Variants in RAB40C observed in about 807,000 individuals in gnomAD.
RAB40C encodes the protein ras-related protein Rab-40C.
A neutral mutation model predicts 28.1 loss-of-function variants in RAB40C; 8 were observed. The ratio of observed to expected loss-of-function variants is 0.28; its 90% CI spans 0.17 to 0.51. The LOEUF is 0.51. Ranked by LOEUF, RAB40C falls within the 20% of genes least tolerant of loss-of-function variation. The pLI is 0.97. For missense variants in RAB40C, 288 were observed against 405.9 expected (o/e 0.71, Z 2.50); for synonymous variants, 201 against 171.7 (o/e 1.17, Z -1.34).
chr16:625,123 C>G, intron 3 of RAB40C: 1 of 1,339,544 alleles, frequency 7.5e-7, no homozygotes, highest in Non-Finnish European at 9.8e-7. Context: ...CCCCGGCTGC[C>G]AGAACCCCGC....
At chr16:601,665 T>A (rs193215763) in intron 1 of RAB40C, among the ~76,000 whole-genome samples, 1 of 151,770 alleles carries the variant, frequency 6.6e-6, no homozygotes, top group Non-Finnish European at 1.5e-5. Flanking sequence ...GCTTATAAGT[T>A]TATCAAATAG....
At chr16:622,624 C>T (rs2036743686) in intron 3 of RAB40C, among the ~76,000 whole-genome samples, 1 of 152,356 alleles carries the variant, frequency 6.6e-6, no homozygotes. Flanking sequence ...TCTCCTGCCT[C>T]AGGCTCCCGA....
Position 590,193 on chromosome 16 carries a change from C to A in RAB40C, c.-99C>A. On this transcript the variant is annotated 5_prime_UTR_variant, in exon 1 of 6. Coordinates refer to ENST00000248139, the MANE Select transcript of RAB40C (RefSeq NM_021168.5). ...GCCCACTCGGCCGCCGTGGGGCGGACGCAACGGGCGCAGGTGCGGGGCGCG... is the reference window on the plus strand; with the variant it reads ...GCCCACTCGGCCGCCGTGGGGCGGAAGCAACGGGCGCAGGTGCGGGGCGCG... The A allele has an allele frequency of 3.3e-6, 3 of 918,000 alleles. No individual in the cohort carries two copies. The highest frequency in any genetic ancestry group is 4.0e-6 in the Non-Finnish European group (3 of 747,360). The allele number at this position is 918,000 out of a possible 1,614,324, so 56.9% of individuals were successfully genotyped here. A position where few individuals can be genotyped will look rare whatever the true frequency, so the allele number is the denominator to read the frequency against.
At chr16:620,979 A>G (rs1480353702) in intron 3 of RAB40C, among the ~76,000 whole-genome samples, 1 of 152,272 alleles carries the variant, frequency 6.6e-6, no homozygotes, top group Non-Finnish European at 1.5e-5. Flanking sequence ...TGCCAGGCTG[A>G]GGTCCTGGAA....
chr16:590,248 G>C lies in RAB40C; in HGVS notation c.-44G>C, dbSNP rs1272922959. On this transcript the variant is annotated 5_prime_UTR_variant, in exon 1 of 6. Coordinates refer to ENST00000248139, the MANE Select transcript of RAB40C (RefSeq NM_021168.5). ...CTCTCACGCCGCGGCCTCACCCGGC[G>C]GTGCTTCGGCAGGCGGCCGGCGCGG... is the stretch of plus-strand genomic sequence containing the variant. 2.2e-6 allele frequency: 3 copies of C among 1,388,706 alleles called. No homozygotes were observed. Among genetic ancestry groups the C allele is most frequent in the Non-Finnish European group, 2.8e-6 (3 of 1,065,736 alleles). The allele number at this position is 1,388,706 out of a possible 1,614,324, so 86.0% of individuals were successfully genotyped here. A position where few individuals can be genotyped will look rare whatever the true frequency, so the allele number is the denominator to read the frequency against.
intron 1 of RAB40C, among the ~76,000 whole-genome samples, chr16:593,002 A>G (rs1190633108): frequency 6.6e-6 from 1 of 152,206 alleles, no homozygotes; most frequent in Non-Finnish European, 1.5e-5. Context: ...GGCAGAGAGG[A>G]GAGTCCACTC....
intron 3 of RAB40C, chr16:623,960 A>C: frequency 8.1e-6 from 8 of 985,404 alleles, no homozygotes; most frequent in Non-Finnish European, 8.4e-6. Flanking sequence ...TGCCATCCGC[A>C]GTGCTGGGAC....
At chr16:602,946 CTG>C (rs2036283125) in intron 1 of RAB40C, among the ~76,000 whole-genome samples, 1 of 152,182 alleles carries the variant, frequency 6.6e-6, no homozygotes, top group African/African-American at 2.4e-5. Context: ...TGAAAGTAAT[CTG>C]AGAGCTATGG....
Position 590,258 on chromosome 16 carries a change from C to CAGGCGGCCGGCGCGGGGCGA in RAB40C, c.-15_-14insAAGGCGGCCGGCGCGGGGCG. The CAGGCGGCCGGCGCGGGGCGA allele has an allele frequency of 2.1e-6, 3 of 1,426,262 alleles. No individual in the cohort carries two copies. Among genetic ancestry groups the CAGGCGGCCGGCGCGGGGCGA allele is most frequent in the Non-Finnish European group, 2.8e-6 (3 of 1,086,208 alleles). The allele number at this position is 1,426,262 out of a possible 1,614,324, so 88.4% of individuals were successfully genotyped here. A position where few individuals can be genotyped will look rare whatever the true frequency, so the allele number is the denominator to read the frequency against. ...GCGGCCTCACCCGGCGGTGCTTCGG[C>CAGGCGGCCGGCGCGGGGCGA]AGGCGGCCGGCGCGGGGCGCAGGCG... On this transcript the variant is annotated 5_prime_UTR_variant, in exon 1 of 6. Coordinates refer to ENST00000248139, the MANE Select transcript of RAB40C (RefSeq NM_021168.5).
intron 1 of RAB40C, among the ~76,000 whole-genome samples, chr16:602,821 T>C (rs1399652326): frequency 6.6e-6 from 1 of 152,192 alleles, no homozygotes; most frequent in African/African-American, 2.4e-5. Context: ...TCTCTCACCT[T>C]GGCCTCCCAA....
chr16:607,479 GACA>G (rs1180161538), intron 1 of RAB40C, among the ~76,000 whole-genome samples: 2 of 144,782 alleles, frequency 1.4e-5, no homozygotes, highest in South Asian at 2.3e-4. Flanking sequence ...CTCCGGCCTG[GACA>G]ACGAGAGTGA....
At chr16:609,217 G>T (rs982901799) in intron 1 of RAB40C, among the ~76,000 whole-genome samples, 11 of 152,192 alleles carry the variant, frequency 7.2e-5, no homozygotes, top group African/African-American at 2.7e-4. Flanking sequence ...GATCTGCTTG[G>T]AATGCCATGT....
intron 3 of RAB40C, chr16:624,543 G>T: frequency 2.0e-6 from 2 of 985,422 alleles, no homozygotes; most frequent in Non-Finnish European, 2.4e-6. Context: ...TCCAGATATC[G>T]AAAGATGGTT....
At position 627,800 on chromosome 16, in the gene RAB40C, C is replaced by A; in HGVS notation, c.*178C>A. The A allele has an allele frequency of 2.7e-6, 2 of 738,954 alleles. No individual in the cohort carries two copies. The highest frequency in any genetic ancestry group is 3.9e-6 in the Non-Finnish European group (2 of 508,738). The allele number at this position is 738,954 out of a possible 1,614,324, so 45.8% of individuals were successfully genotyped here. A position where few individuals can be genotyped will look rare whatever the true frequency, so the allele number is the denominator to read the frequency against. Reference sequence around the variant, plus strand: ...AGGAGCATGCACGGACCAAGCGCGGCAGGCGGGAGGAGGGGGCGCGGCTGG... The same window carrying A: ...AGGAGCATGCACGGACCAAGCGCGGAAGGCGGGAGGAGGGGGCGCGGCTGG... On this transcript the variant is annotated 3_prime_UTR_variant, in exon 6 of 6. Transcript: ENST00000248139.
chr16:594,783 C>CCTCCCCT (rs1244551980), intron 1 of RAB40C, among the ~76,000 whole-genome samples: 1 of 151,762 alleles, frequency 6.6e-6, no homozygotes, highest in Non-Finnish European at 1.5e-5. Context: ...AGTCCCTTCT[C>CCTCCCCT]CTCCCCTGCA....
intron 1 of RAB40C, among the ~76,000 whole-genome samples, chr16:600,372 A>G (rs1369867854): frequency 2.6e-5 from 4 of 152,266 alleles, no homozygotes; most frequent in African/African-American, 9.6e-5. Flanking sequence ...AATAATAGTA[A>G]TAGTAGCAAG....
At chr16:609,538 C>A (rs1236037053) in intron 1 of RAB40C, among the ~76,000 whole-genome samples, 2 of 151,888 alleles carry the variant, frequency 1.3e-5, no homozygotes, top group Non-Finnish European at 2.9e-5. Context: ...TAGGGTCTGT[C>A]CTTGAGGGTC....
At chr16:615,670 A>G (rs2036570866) in intron 1 of RAB40C, among the ~76,000 whole-genome samples, 1 of 152,176 alleles carries the variant, frequency 6.6e-6, no homozygotes, top group Non-Finnish European at 1.5e-5. Context: ...AAAAGTAATG[A>G]TGTGATGTGG....
chr16:619,808 C>T (rs970826149), intron 3 of RAB40C, among the ~76,000 whole-genome samples: 1 of 152,232 alleles, frequency 6.6e-6, no homozygotes, highest in Non-Finnish European at 1.5e-5. Context: ...ACTGGAGCTT[C>T]GTCCCATGGC....
Sources: gnomAD v4.1 joint callset for allele counts (sites outside exome capture counted in the v4.1 genomes callset) on GRCh38, gnomAD v4.1.1 for gene constraint, MANE v1.5 for transcripts, NCBI Gene and HGNC (gene_info 2026-07-23, HGNC 2026-07-21) for gene names.